Variants in TENM3 observed in about 807,000 individuals in gnomAD.
TENM3 encodes teneurin transmembrane protein 3, also known as teneurin-3.
Under a neutral mutation model 255.1 loss-of-function variants are expected in TENM3, and 63 were observed. The observed-to-expected ratio is 0.25, with a 90% CI of 0.20 to 0.30. TENM3 has a LOEUF of 0.30. Among genes scored for constraint, TENM3 ranks in the 10% least tolerant of loss-of-function variants. The pLI, the probability that TENM3 is intolerant of heterozygous loss-of-function variation, is 1.00. For missense variants in TENM3, 2,929 were observed against 3,461.1 expected, an observed-to-expected ratio of 0.85 and a Z score of 3.86; for synonymous variants, 1,306 against 1,322.3, an observed-to-expected ratio of 0.99 and a Z score of 0.27.
At chr4:181,681,182 G>C in the TENM3 span, among the ~76,000 whole-genome samples, 1 of 151,934 alleles carries the variant, frequency 6.6e-6, no homozygotes, top group Non-Finnish European at 1.5e-5. Context: ...GAGAGTAAAG[G>C]AGCAAGTGCA....
At chr4:181,546,979 G>T in the TENM3 span, among the ~76,000 whole-genome samples, 1 of 152,016 alleles carries the variant, frequency 6.6e-6, no homozygotes. Flanking sequence ...GACCCATCCA[G>T]ATTCAAAACC....
intron 1 of TENM3, among the ~76,000 whole-genome samples, chr4:182,184,495 T>A (rs1753024431): frequency 6.6e-3 from 2 of 304 alleles, no homozygotes; most frequent in Non-Finnish European, 0.01. Flanking sequence ...ATGGTTGAGT[T>A]TTTTTTTTTT....
chr4:181,957,860 T>C, the TENM3 span, among the ~76,000 whole-genome samples: 5 of 152,200 alleles, frequency 3.3e-5, no homozygotes, highest in African/African-American at 1.2e-4. Flanking sequence ...CATTTCAATG[T>C]GTTGTAAAAA....
chr4:181,677,068 G>A, the TENM3 span, among the ~76,000 whole-genome samples: 1 of 140,214 alleles, frequency 7.1e-6, no homozygotes, highest in Non-Finnish European at 1.5e-5. Flanking sequence ...ACATCTACTT[G>A]GCCCTTAAAT....
At chr4:181,790,441 A>T in the TENM3 span, among the ~76,000 whole-genome samples, 1 of 152,304 alleles carries the variant, frequency 6.6e-6, no homozygotes, top group South Asian at 2.1e-4. Flanking sequence ...ACAACAATTA[A>T]TTGCACTGTG....
At chr4:182,618,554 G>A (rs1400719045) in intron 4 of TENM3, among the ~76,000 whole-genome samples, 1 of 150,946 alleles carries the variant, frequency 6.6e-6, no homozygotes, top group Non-Finnish European at 1.5e-5. Flanking sequence ...TTATTACTTT[G>A]AAAGACAAAA....
At chr4:182,537,615 C>G (rs948837026) in intron 3 of TENM3, among the ~76,000 whole-genome samples, 5 of 152,202 alleles carry the variant, frequency 3.3e-5, no homozygotes, top group African/African-American at 1.2e-4. Context: ...TTCCTTCTCA[C>G]CATGAAAACG....
At chr4:182,623,818 G>T in intron 4 of TENM3, among the ~76,000 whole-genome samples, 2 of 152,100 alleles carry the variant, frequency 1.3e-5, no homozygotes, top group Middle Eastern at 3.4e-3. Flanking sequence ...TGCGGGGGTC[G>T]CCTTCGTTCC....
intron 13 of TENM3, among the ~76,000 whole-genome samples, chr4:182,725,865 T>G (rs1311212047): frequency 1.3e-5 from 2 of 152,048 alleles, no homozygotes; most frequent in Non-Finnish European, 2.9e-5. Flanking sequence ...CTCGAACTCC[T>G]TACCTCAGGT....
At chr4:181,811,325 G>A in the TENM3 span, among the ~76,000 whole-genome samples, 2 of 152,080 alleles carry the variant, frequency 1.3e-5, no homozygotes, top group Non-Finnish European at 2.9e-5. Context: ...GGTTCAGACA[G>A]CATCCAAAAA....
chr4:182,557,789 G>A (rs773833625), intron 3 of TENM3, among the ~76,000 whole-genome samples: 2 of 152,094 alleles, frequency 1.3e-5, no homozygotes, highest in African/African-American at 2.4e-5. Flanking sequence ...ATCACTTCTG[G>A]TGTGGTTCTG....
At chr4:181,470,971 C>T in the TENM3 span, among the ~76,000 whole-genome samples, 2 of 108,804 alleles carry the variant, frequency 1.8e-5, no homozygotes, top group African/African-American at 3.1e-5. Context: ...GCATAATTTG[C>T]TTAGGTTTGT....
At chr4:181,967,624 C>T in the TENM3 span, among the ~76,000 whole-genome samples, 15 of 152,108 alleles carry the variant, frequency 9.9e-5, no homozygotes, top group Non-Finnish European at 1.8e-4. Context: ...ATTGCTGGCT[C>T]GGCCCTTGCT....
intron 1 of TENM3, among the ~76,000 whole-genome samples, chr4:182,278,143 G>C (rs958620067): frequency 6.6e-6 from 1 of 152,180 alleles, no homozygotes; most frequent in African/African-American, 2.4e-5. Context: ...AAGGCAGGCA[G>C]AGCACCTGAG....
At chr4:181,535,820 G>A in the TENM3 span, among the ~76,000 whole-genome samples, 1 of 152,092 alleles carries the variant, frequency 6.6e-6, no homozygotes, top group Middle Eastern at 3.2e-3. Context: ...GTCATTCAAA[G>A]ATCACCCAGA....
the TENM3 span, among the ~76,000 whole-genome samples, chr4:181,496,990 T>C: frequency 3.5e-4 from 54 of 152,282 alleles, no homozygotes; most frequent in Middle Eastern, 6.8e-3. Context: ...ATAAAAGGCA[T>C]TTATATTATG....
the TENM3 span, among the ~76,000 whole-genome samples, chr4:181,681,365 G>A: frequency 1.2e-3 from 185 of 152,070 alleles, 1 homozygote; most frequent in African/African-American, 4.2e-3. Flanking sequence ...TATGCTCACA[G>A]GCAGGTGTAA....
At chr4:182,501,002 T>C (rs943181090) in intron 3 of TENM3, among the ~76,000 whole-genome samples, 5 of 152,144 alleles carry the variant, frequency 3.3e-5, no homozygotes, top group African/African-American at 1.2e-4. Context: ...TTTATTTCTT[T>C]ATTTAGTCTT....
At chr4:181,552,818 T>C in the TENM3 span, among the ~76,000 whole-genome samples, 2 of 152,348 alleles carry the variant, frequency 1.3e-5, no homozygotes, top group African/African-American at 4.8e-5. Context: ...CGGAAGTCTT[T>C]CCGTATTCCA....
Sources: allele counts gnomAD v4.1 joint callset (sites outside exome capture counted in the v4.1 genomes callset), GRCh38; gene constraint gnomAD v4.1.1; transcripts MANE v1.5; gene names NCBI Gene and HGNC (gene_info 2026-07-23, HGNC 2026-07-21).